Variants in NR2C2 observed in about 807,000 individuals in gnomAD.
NR2C2 encodes nuclear receptor subfamily 2 group C member 2.
A neutral mutation model predicts 62.9 loss-of-function variants in NR2C2; 6 were observed. That is an observed-to-expected ratio of 0.10 (90% CI 0.05 to 0.19). The LOEUF (loss-of-function observed/expected upper bound fraction) is 0.19. Among genes scored for constraint, NR2C2 ranks in the 10% least tolerant of loss-of-function variants. The pLI, the probability that NR2C2 is intolerant of heterozygous loss-of-function variation, is 1.00. For synonymous variants in NR2C2, 272 were observed against 273.8 expected (o/e 0.99, Z 0.07); for missense variants, 479 against 762.7 (o/e 0.63, Z 4.38).
At chr3:14,991,957 G>C (rs548041625) in intron 1 of NR2C2, among the ~76,000 whole-genome samples, 1 of 151,618 alleles carries the variant, frequency 6.6e-6, no homozygotes, top group South Asian at 2.1e-4. Context: ...TTTTAGTAGG[G>C]ATGGGGTCTT....
chr3:14,975,771 T>C (rs2125308931), intron 1 of NR2C2, among the ~76,000 whole-genome samples: 1 of 152,306 alleles, frequency 6.6e-6, no homozygotes, highest in East Asian at 1.9e-4. Flanking sequence ...TAGAAGAGTT[T>C]AAGAAGGATT....
chr3:14,950,763 TAGA>T (rs1387988801), intron 1 of NR2C2, among the ~76,000 whole-genome samples: 1 of 152,234 alleles, frequency 6.6e-6, no homozygotes, highest in Non-Finnish European at 1.5e-5. Flanking sequence ...ATCCAGCACT[TAGA>T]AGAGTGCCTG....
chr3:14,993,025 A>G (rs1223855853), intron 1 of NR2C2, among the ~76,000 whole-genome samples: 4 of 152,264 alleles, frequency 2.6e-5, no homozygotes, highest in Non-Finnish European at 5.9e-5. Flanking sequence ...CAAGACTGAC[A>G]TTAGGCACTG....
intron 2 of NR2C2, chr3:15,004,453 C>T: frequency 8.5e-7 from 1 of 1,174,588 alleles, no homozygotes; most frequent in Admixed American, 2.7e-5. Context: ...TAGAATGGTA[C>T]CTGGCACATA....
chr3:14,986,693 C>T (rs1381851769), intron 1 of NR2C2, among the ~76,000 whole-genome samples: 1 of 152,096 alleles, frequency 6.6e-6, no homozygotes, highest in Non-Finnish European at 1.5e-5. Context: ...TTTTATTGGT[C>T]ACAGAAAATA....
chr3:14,975,338 A>C (rs1429660717), intron 1 of NR2C2, among the ~76,000 whole-genome samples: 1 of 152,218 alleles, frequency 6.6e-6, no homozygotes, highest in Non-Finnish European at 1.5e-5. Context: ...TGTTTCATTG[A>C]TGAAACAGGT....
intron 1 of NR2C2, among the ~76,000 whole-genome samples, chr3:14,949,941 C>T (rs2039299495): frequency 6.6e-6 from 1 of 152,148 alleles, no homozygotes; most frequent in Non-Finnish European, 1.5e-5. Flanking sequence ...CCAACTTTTA[C>T]TAGCAGTGTG....
chr3:14,969,531 A>G (rs537472656), intron 1 of NR2C2, among the ~76,000 whole-genome samples: 3 of 152,268 alleles, frequency 2.0e-5, no homozygotes, highest in African/African-American at 7.2e-5. Flanking sequence ...GTGAGCCACC[A>G]TGCCCGGCCA....
At chr3:14,998,530 T>G (rs2040895240) in intron 1 of NR2C2, among the ~76,000 whole-genome samples, 1 of 152,244 alleles carries the variant, frequency 6.6e-6, no homozygotes, top group African/African-American at 2.4e-5. Context: ...TTGGAACATC[T>G]TTTCCTGTGC....
At chr3:14,995,793 A>G (rs912351727) in intron 1 of NR2C2, among the ~76,000 whole-genome samples, 1 of 152,120 alleles carries the variant, frequency 6.6e-6, no homozygotes, top group African/African-American at 2.4e-5. Context: ...TTATGTTCCC[A>G]CCAGCTGTGT....
intron 1 of NR2C2, among the ~76,000 whole-genome samples, chr3:14,953,714 T>G (rs982801048): frequency 6.6e-6 from 1 of 151,900 alleles, no homozygotes; most frequent in African/African-American, 2.4e-5. Flanking sequence ...GCCAACATAG[T>G]GAAACCCCAT....
intron 1 of NR2C2, among the ~76,000 whole-genome samples, chr3:14,981,640 G>C (rs916867756): frequency 2.0e-5 from 3 of 148,774 alleles, no homozygotes; most frequent in Admixed American, 1.3e-4. Context: ...TGATTCACAT[G>C]ATCACAAGGT....
intron 7 of NR2C2, chr3:15,026,382 G>A (rs1420455292): frequency 1.3e-5 from 2 of 152,088 alleles, no homozygotes; most frequent in Non-Finnish European, 2.9e-5. Context: ...AGTGTATAAT[G>A]TAGTGGTTTT....
chr3:15,024,775 G>C (rs1303776072), intron 7 of NR2C2, among the ~76,000 whole-genome samples: 1 of 152,184 alleles, frequency 6.6e-6, no homozygotes, highest in Non-Finnish European at 1.5e-5. Context: ...GTCTCATCCT[G>C]GTGCTCCTGA....
intron 1 of NR2C2, among the ~76,000 whole-genome samples, chr3:14,973,063 T>C (rs1287099574): frequency 6.6e-6 from 1 of 152,190 alleles, no homozygotes; most frequent in Non-Finnish European, 1.5e-5. Context: ...TTGCAAGTAC[T>C]TTGTTCCATT....
intron 2 of NR2C2, chr3:15,004,743 C>T: frequency 6.9e-6 from 8 of 1,153,250 alleles, no homozygotes; most frequent in Non-Finnish European, 9.7e-6. Context: ...TGTTTTTCTT[C>T]TTGCAGTTTT....
rs764779990 is a variant in NR2C2, at chr3:15,043,001, G to C, written c.1784G>C (p.Ser595Thr). 2 of 1,613,898 alleles carry C rather than the reference G, an allele frequency of 1.2e-6. No individual in the cohort carries two copies. Among genetic ancestry groups the C allele is most frequent in the Admixed American group, 1.7e-5 (1 of 59,992 alleles). The part of the protein sequence containing the change: ...AEYNGQITGA[S>T]L ...TATAATGGCCAGATCACCGGAGCCAGTCTATAGCGCAAACCACACACCTGC... is the reference window on the plus strand; with the variant it reads ...TATAATGGCCAGATCACCGGAGCCACTCTATAGCGCAAACCACACACCTGC... Residue 595 changes from serine to threonine, a missense_variant, in exon 14 of 14, where the codon AGT (serine) becomes ACT (threonine). Coordinates refer to ENST00000425241, the MANE Select transcript of NR2C2 (RefSeq NM_001291694.2).
intron 2 of NR2C2, among the ~76,000 whole-genome samples, chr3:15,009,091 G>A (rs1427392974): frequency 3.3e-5 from 5 of 152,146 alleles, no homozygotes; most frequent in Admixed American, 1.3e-4. Context: ...GCATGGTGAC[G>A]CATACCTGTA....
intron 1 of NR2C2, among the ~76,000 whole-genome samples, chr3:14,971,343 C>G (rs770282812): frequency 2.6e-5 from 4 of 151,642 alleles, no homozygotes; most frequent in Non-Finnish European, 5.9e-5. Context: ...GTCTCAAACT[C>G]CTGACCCCAG....
Sources: gnomAD v4.1 joint callset for allele counts (sites outside exome capture counted in the v4.1 genomes callset) on GRCh38, gnomAD v4.1.1 for gene constraint, MANE v1.5 for transcripts, NCBI Gene and HGNC (gene_info 2026-07-23, HGNC 2026-07-21) for gene names.